The following TMX1 variants were observed in gnomAD, a reference collection of about 807,000 sequenced individuals.
TMX1 encodes thioredoxin-related transmembrane protein 1.
In TMX1, 25 loss-of-function variants were observed where a neutral mutation model predicts 36.6. That is an observed-to-expected ratio of 0.68 (90% confidence interval 0.50 to 0.95). TMX1 has a LOEUF of 0.95. TMX1 is among the 40% of genes least tolerant of loss of function. TMX1 has a pLI of 0.00. For missense variants in TMX1, 347 were observed against 339.6 expected (o/e 1.02, Z -0.17); for synonymous variants, 133 against 118.0 (o/e 1.13, Z -0.82).
chr14:51,254,578 T>C lies in TMX1; in HGVS notation c.*59T>C. 6.7e-7 allele frequency: 1 copy of C among 1,491,530 alleles called. No homozygotes were observed. Among genetic ancestry groups the C allele is most frequent in the Middle Eastern group, 1.9e-4 (1 of 5,276 alleles). 92.4% of individuals were successfully genotyped at this position (1,491,530 alleles called of 1,614,324 possible). On this transcript the variant is annotated 3_prime_UTR_variant, in exon 8 of 8. Transcript: ENST00000457354. ...TGATAAAAACAGAAGATTGATCATT[T>C]TGTTTGGTTTGAAGTGAACTGTGAC...
intron 2 of TMX1, 172 bp downstream of exon 2, chr14:51,244,143 A>G (rs12432203): frequency 0.12 from 55,720 of 467,258 alleles, 4,142 homozygotes; most frequent in South Asian, 0.26. Flanking sequence ...TCAGTGTGCA[A>G]TGGTTGCAAA....
At chr14:51,253,741 A>C (rs1321079507) in intron 7 of TMX1, among the ~76,000 whole-genome samples, 2 of 152,224 alleles carry the variant, frequency 1.3e-5, no homozygotes, top group South Asian at 2.1e-4. Context: ...TTGTAATAAA[A>C]TCATACATAT....
In TMX1 at chr14:51,249,764, A is replaced by G. The variant is rs377311294; in HGVS notation, c.663A>G (p.Ser221=). The change falls in exon 7 of 8, where the codon TCA becomes TCG. Residue 221 remains serine, a splice_region_variant and synonymous_variant. Transcript: ENST00000457354. ...GACCACAGCCGTACCCATACCCTTC[A>G]AGTAAGTATATTTTAAAATGTTTAT... ...RRRPQPYPYP[S]KKLLSESAQP... The G allele has an allele frequency of 6.3e-6, 10 of 1,597,124 alleles. No homozygotes were observed. The African/African-American group carries it at 1.1e-4, about 17-fold the overall frequency.
chr14:51,240,456 G>GCGGCCAGGGTCCTACGTCCGTGC lies in TMX1; in HGVS notation c.152+14_152+36dup. On this transcript the variant is annotated intron_variant, in intron 1 of 7. Coordinates refer to ENST00000457354, the MANE Select transcript of TMX1 (RefSeq NM_030755.5). ...TGGATGATAGAATTGTGAGTGCGGG[G>GCGGCCAGGGTCCTACGTCCGTGC]CGGCCAGGGTCCTACGTCCGTGCCT... The GCGGCCAGGGTCCTACGTCCGTGC allele has an allele frequency of 6.2e-7, 1 of 1,612,540 alleles. No homozygotes were observed. The highest frequency in any genetic ancestry group is 1.7e-4 in the Middle Eastern group (1 of 6,056).
chr14:51,254,197 T>A, intron 7 of TMX1, 144 bp from the exon 8 acceptor site: 1 of 606,460 alleles, frequency 1.6e-6, no homozygotes, highest in South Asian at 4.2e-5. Context: ...TTATCTTATC[T>A]TGAATAACTT....
Position 51,240,248 on chromosome 14 carries a change from G to A in TMX1, c.-45G>A, listed in dbSNP as rs1397416060. On this transcript the variant is annotated 5_prime_UTR_variant, in exon 1 of 8. The change creates a new upstream start codon in the 5' untranslated region. Transcript: ENST00000457354. ...CGCTGAGCAGCCCGCGAGGGCGGAA[G>A]TGGGAGCTGCGACCGCGCTCCCTGT... 1 of 1,598,472 alleles carries A rather than the reference G, an allele frequency of 6.3e-7. No homozygotes were observed. Among genetic ancestry groups the A allele is most frequent in the African/African-American group, 1.3e-5 (1 of 74,804 alleles).
chr14:51,249,345 C>T lies in TMX1; in HGVS notation c.463C>T (p.Leu155Phe). ...TTTTAGGATGAGTAGTATGTCAGCACTCTTTCAGCTATCTATGTGGATCAG... is the reference window on the plus strand; with the variant it reads ...TTTTAGGATGAGTAGTATGTCAGCATTCTTTCAGCTATCTATGTGGATCAG... ...GSVLMSSMSA[L>F]FQLSMWIRTC... The change falls in exon 5 of 8, where the codon CTC (leucine) becomes TTC (phenylalanine). Residue 155 changes from leucine (L) to phenylalanine (F), a missense_variant. Leu to Phe is a conservative substitution (Grantham distance 22). Transcript: ENST00000457354. 1 of 1,607,746 alleles carries T rather than the reference C, an allele frequency of 6.2e-7. No individual in the cohort carries two copies. The highest frequency in any genetic ancestry group is 8.5e-7 in the Non-Finnish European group (1 of 1,178,036).
rs1329528920 is a variant in TMX1, at chr14:51,256,213, T to A, written c.*1694T>A. The stretch of plus-strand genomic sequence containing the variant: ...GATGTTTAAGGACAGTAATGCTCAT[T>A]AATCAAGCATTTTTTTTTTTTAGTG... On this transcript the variant is annotated 3_prime_UTR_variant, in exon 8 of 8. Coordinates refer to ENST00000457354, the MANE Select transcript of TMX1 (RefSeq NM_030755.5). 1 of 152,240 alleles carries A rather than the reference T, an allele frequency of 6.6e-6. No individual in the cohort carries two copies. The highest frequency in any genetic ancestry group is 6.5e-5 in the Admixed American group (1 of 15,270). 9.4% of individuals were successfully genotyped at this position (152,240 alleles called of 1,614,324 possible).
intron 7 of TMX1, among the ~76,000 whole-genome samples, chr14:51,252,633 A>G (rs1191574808): frequency 6.6e-6 from 1 of 152,234 alleles, no homozygotes; most frequent in East Asian, 1.9e-4. Context: ...ACTGATATTA[A>G]TCCAGACTTT....
intron 2 of TMX1, 125 bp downstream of exon 2, chr14:51,244,096 C>G (rs1274959613): frequency 1.4e-6 from 1 of 733,660 alleles, no homozygotes; most frequent in Non-Finnish European, 2.0e-6. Flanking sequence ...CAGTCTGCAG[C>G]TAGTTAACCT....
chr14:51,251,696 C>G (rs918933278), intron 7 of TMX1, among the ~76,000 whole-genome samples: 1 of 152,174 alleles, frequency 6.6e-6, no homozygotes, highest in African/African-American at 2.4e-5. Flanking sequence ...TCTGAGTCAT[C>G]TTACCACTTA....
chr14:51,253,899 G>A (rs2065826394), intron 7 of TMX1: 1 of 152,608 alleles, frequency 6.6e-6, no homozygotes, highest in Admixed American at 6.5e-5. Flanking sequence ...TTGACCAGAA[G>A]TTTAATAGCA....
chr14:51,254,177 A>G (rs868420286), intron 7 of TMX1, among the ~76,000 whole-genome samples, 164 bp from the exon 8 acceptor site: 3 of 152,154 alleles, frequency 2.0e-5, no homozygotes, highest in Non-Finnish European at 2.9e-5. Flanking sequence ...TATAATATTC[A>G]TGGTTTTTTT....
At chr14:51,252,377 G>A (rs1363233845) in intron 7 of TMX1, among the ~76,000 whole-genome samples, 1 of 151,378 alleles carries the variant, frequency 6.6e-6, no homozygotes, top group East Asian at 1.9e-4. Flanking sequence ...GGCAAGCATG[G>A]TCTATGAGCC....
rs1298964730 is a variant in TMX1, at chr14:51,240,373, G to A, written c.81G>A (p.Arg27=). Residue 27 remains arginine, a synonymous_variant, in exon 1 of 8, where the codon CGG becomes CGA. Coordinates refer to ENST00000457354, the MANE Select transcript of TMX1 (RefSeq NM_030755.5). The part of the protein sequence containing the change: ...LLWGAPWTHG[R]RSNVRVITDE... ...GGGGTGCTCCCTGGACGCACGGGCG[G>A]CGGAGCAACGTTCGCGTCATCACGG... 2 of 1,613,956 alleles carry A rather than the reference G, an allele frequency of 1.2e-6. No individual in the cohort carries two copies. The highest frequency in any genetic ancestry group is 3.3e-5 in the Admixed American group (2 of 60,016).
At chr14:51,253,110 TA>T (rs1023313014) in intron 7 of TMX1, among the ~76,000 whole-genome samples, 1 of 152,124 alleles carries the variant, frequency 6.6e-6, no homozygotes, top group Non-Finnish European at 1.5e-5. Flanking sequence ...TCTGCTTGTG[TA>T]AAGGTCTCAT....
At chr14:51,242,377 TACTC>T (rs1002418099) in intron 1 of TMX1, among the ~76,000 whole-genome samples, 6 of 152,158 alleles carry the variant, frequency 3.9e-5, no homozygotes, top group African/African-American at 1.4e-4. Context: ...AGTCAAGTAT[TACTC>T]AAGGATATTT....
intron 7 of TMX1, among the ~76,000 whole-genome samples, chr14:51,251,852 C>T (rs903982212): frequency 1.3e-5 from 2 of 152,176 alleles, no homozygotes; most frequent in Non-Finnish European, 2.9e-5. Context: ...GTTGATGTTG[C>T]TGGTCTGAGG....
At position 51,245,315 on chromosome 14, in the gene TMX1, C is replaced by T; in HGVS notation, c.271C>T (p.Leu91=). 6.2e-7 allele frequency: 1 copy of T among 1,613,804 alleles called. No homozygotes were observed. Among genetic ancestry groups the T allele is most frequent in the Non-Finnish European group, 8.5e-7 (1 of 1,179,942 alleles). The change falls in exon 3 of 8, where the codon CTG becomes TTG. Residue 91 remains leucine, a splice_region_variant and synonymous_variant. Coordinates refer to ENST00000457354, the MANE Select transcript of TMX1 (RefSeq NM_030755.5). The part of the protein sequence containing the change: ...AKVDVTEQPG[L]SGRFIITALP... ...TGCTGTGTGTTCTTTATTTGTAGGA[C>T]TGAGTGGACGGTTTATCATAACTGC...
Sources: allele counts gnomAD v4.1 joint callset (sites outside exome capture counted in the v4.1 genomes callset), GRCh38; gene constraint gnomAD v4.1.1; transcripts MANE v1.5; gene names NCBI Gene and HGNC (gene_info 2026-07-23, HGNC 2026-07-21).